The following NDUFAF7 variants were observed in gnomAD, a reference collection of about 807,000 sequenced individuals.
NDUFAF7 encodes NADH:ubiquinone oxidoreductase complex assembly factor 7, also known as protein arginine methyltransferase NDUFAF7, mitochondrial.
NDUFAF7 carries 48 observed loss-of-function variants against 47.2 expected under a neutral mutation model. That is an observed-to-expected ratio of 1.02 (90% CI 0.81 to 1.29). NDUFAF7 has a LOEUF of 1.29. NDUFAF7 is among the 50% of genes most tolerant of loss of function. The probability of loss-of-function intolerance (pLI) is 0.00; values close to 1 mark genes in which losing one functional copy is unlikely to be tolerated. For synonymous variants in NDUFAF7, 217 were observed against 190.0 expected, an observed-to-expected ratio of 1.14 and a Z score of -1.17; for missense variants, 635 against 537.6, an observed-to-expected ratio of 1.18 and a Z score of -1.79.
intron 5 of NDUFAF7, 112 bp downstream of exon 5, chr2:37,241,903 C>A: frequency 1.1e-6 from 1 of 937,270 alleles, no homozygotes; most frequent in Non-Finnish European, 1.6e-6. Flanking sequence ...GCTGCCAAGT[C>A]CCTTATCCAT....
At chr2:37,235,796 G>A (rs1372701775) in intron 2 of NDUFAF7, among the ~76,000 whole-genome samples, 4 of 151,782 alleles carry the variant, frequency 2.6e-5, no homozygotes, top group Non-Finnish European at 5.9e-5. Context: ...CTGGGACTAC[G>A]GGCACCCTCC....
At chr2:37,255,617 T>C (rs1161881804), downstream of NDUFAF7, among the ~76,000 whole-genome samples, 2 of 152,194 alleles carry the variant, frequency 1.3e-5, no homozygotes, top group Non-Finnish European at 2.9e-5. Flanking sequence ...AAGTTCATTC[T>C]AGGTATAAGG....
At chr2:37,256,211 G>C (rs1380960829), downstream of NDUFAF7, among the ~76,000 whole-genome samples, 1 of 152,144 alleles carries the variant, frequency 6.6e-6, no homozygotes, top group Admixed American at 6.5e-5. Flanking sequence ...AAACAACTAG[G>C]TTTGTGTAGG....
At chr2:37,253,495 A>C (rs190276719), downstream of NDUFAF7, 2 of 540,698 alleles carry the variant, frequency 3.7e-6, no homozygotes, top group Non-Finnish European at 6.0e-6. Context: ...ACTATGTACT[A>C]AGTTCTACTT....
Position 37,244,400 on chromosome 2 carries a change from A to G in NDUFAF7, c.792+427A>G, listed in dbSNP as rs574823727. Reference sequence around the variant, plus strand: ...TTCTCATTTAATTCTCAAAGCAACTATATTAGGTAGGTTCTATTATTATCC... The same window carrying G: ...TTCTCATTTAATTCTCAAAGCAACTGTATTAGGTAGGTTCTATTATTATCC... On this transcript the variant is annotated intron_variant, in intron 7 of 9. Transcript: ENST00000002125. 7.7e-4 allele frequency among the ~76,000 whole-genome samples: 117 copies of G among 152,330 alleles called. No homozygotes were observed. In the South Asian group the frequency reaches 9.3e-3, roughly 12 times the overall value.
rs989170670 is a variant in NDUFAF7 at position 37,232,146 on chromosome 2, G to T, written c.96G>T (p.Gly32=). ...FIWRGKYFSS[G]NEPAENPVTP... ...GGAGAGGGAAATACTTCAGCTCCGG[G>T]AATGAGCCTGCAGAAAACCCGGTGA... Residue 32 remains glycine (G), a synonymous_variant, in exon 2 of 10, where the codon GGG becomes GGT. Coordinates refer to ENST00000002125, the MANE Select transcript of NDUFAF7 (RefSeq NM_144736.5). The T allele has an allele frequency of 6.2e-7, 1 of 1,614,248 alleles. No homozygotes were observed. Among genetic ancestry groups the T allele is most frequent in the South Asian group, 1.1e-5 (1 of 91,090 alleles).
At chr2:37,264,646 C>T in the NDUFAF7 span, among the ~76,000 whole-genome samples, 1 of 151,922 alleles carries the variant, frequency 6.6e-6, no homozygotes, top group Non-Finnish European at 1.5e-5. Flanking sequence ...AGAAAGCATT[C>T]CAGGCAGAGG....
downstream of NDUFAF7, among the ~76,000 whole-genome samples, chr2:37,254,483 T>G (rs925328756): frequency 6.6e-6 from 1 of 152,204 alleles, no homozygotes; most frequent in East Asian, 1.9e-4. Flanking sequence ...TGTCAAATTT[T>G]CATTGCCTTT....
intron 4 of NDUFAF7, among the ~76,000 whole-genome samples, chr2:37,239,741 C>A (rs201446941): frequency 6.6e-6 from 1 of 151,780 alleles, no homozygotes; most frequent in East Asian, 1.9e-4. Flanking sequence ...TAGCAGTTTG[C>A]AAGAGTTCGT....
chr2:37,240,729 C>T (rs970408808), intron 4 of NDUFAF7, among the ~76,000 whole-genome samples: 1 of 152,122 alleles, frequency 6.6e-6, no homozygotes, highest in Non-Finnish European at 1.5e-5. Context: ...CTTTTCCAGA[C>T]TGAGTCATAA....
chr2:37,257,690 AAAAAGTT>A (rs1668087393), downstream of NDUFAF7, among the ~76,000 whole-genome samples: 1 of 149,680 alleles, frequency 6.7e-6, no homozygotes, highest in Non-Finnish European at 1.5e-5. Flanking sequence ...AAAAAAAAAA[AAAAAGTT>A]ACAGTATTTA....
At chr2:37,270,642 T>G in the NDUFAF7 span, among the ~76,000 whole-genome samples, 1 of 152,164 alleles carries the variant, frequency 6.6e-6, no homozygotes, top group Admixed American at 6.5e-5. Context: ...CCCACACTTA[T>G]AAAGACAAAG....
the NDUFAF7 span, among the ~76,000 whole-genome samples, chr2:37,270,625 T>C: frequency 6.6e-6 from 1 of 152,200 alleles, no homozygotes; most frequent in South Asian, 2.1e-4. Context: ...GAACTTCACT[T>C]AGCAGACCCA....
At chr2:37,254,626 C>T (rs1667788750), downstream of NDUFAF7, among the ~76,000 whole-genome samples, 1 of 152,156 alleles carries the variant, frequency 6.6e-6, no homozygotes, top group Non-Finnish European at 1.5e-5. Context: ...TCAGTTTCCT[C>T]ATGAAGTTGC....
intron 4 of NDUFAF7, among the ~76,000 whole-genome samples, chr2:37,240,771 T>C (rs1018756974): frequency 6.6e-6 from 1 of 152,166 alleles, no homozygotes; most frequent in Non-Finnish European, 1.5e-5. Context: ...TTTAAAGGGT[T>C]GTAAAGCAAA....
downstream of NDUFAF7, among the ~76,000 whole-genome samples, chr2:37,255,675 G>A (rs958847019): frequency 3.3e-5 from 5 of 152,160 alleles, no homozygotes; most frequent in Admixed American, 6.6e-5. Flanking sequence ...TTGTTCTGAA[G>A]ATTAGAAAAG....
At position 37,232,278 on chromosome 2, in the gene NDUFAF7, G is replaced by T. The variant is rs1266927949; in HGVS notation, c.216+12G>T. ...CTAATCCAGCCAAGGTATGGGTCGG[G>T]TAGCCCGAGGACTAGGCCCTCTCTA... On this transcript the variant is annotated intron_variant, in intron 2 of 9. Transcript: ENST00000002125. 1 of 1,612,402 alleles carries T rather than the reference G, an allele frequency of 6.2e-7. No individual in the cohort carries two copies. Among genetic ancestry groups the T allele is most frequent in the Non-Finnish European group, 8.5e-7 (1 of 1,179,940 alleles).
At chr2:37,268,506 A>C in the NDUFAF7 span, 1 of 354,678 alleles carries the variant, frequency 2.8e-6, no homozygotes, top group Non-Finnish European at 5.5e-6. Flanking sequence ...CGCTCCAATA[A>C]AGTTCAGTGG....
intron 9 of NDUFAF7, among the ~76,000 whole-genome samples, chr2:37,247,920 A>G (rs1455356566): frequency 1.3e-5 from 2 of 152,226 alleles, no homozygotes; most frequent in African/African-American, 2.4e-5. Context: ...CTGTAGATCA[A>G]ACCCCCTGAG....
Sources: gnomAD v4.1 joint callset for allele counts (sites outside exome capture counted in the v4.1 genomes callset) on GRCh38, gnomAD v4.1.1 for gene constraint, MANE v1.5 for transcripts, NCBI Gene and HGNC (gene_info 2026-07-23, HGNC 2026-07-21) for gene names.